The following ZNF577 variants were observed in gnomAD, a reference collection of about 807,000 sequenced individuals.
ZNF577 encodes zinc finger protein 577.
In ZNF577, 14 loss-of-function variants were observed where a neutral mutation model predicts 13.9. The observed-to-expected ratio is 1.00, with a 90% CI of 0.66 to 1.57. ZNF577 has a LOEUF of 1.57. Ranked by LOEUF, ZNF577 falls within the 40% of genes most tolerant of loss-of-function variation. The probability of loss-of-function intolerance (pLI) is 0.00; values close to 1 mark genes in which losing one functional copy is unlikely to be tolerated. For missense variants in ZNF577, 555 were observed against 579.2 expected (o/e 0.96, Z 0.43); for synonymous variants, 203 against 202.9 (o/e 1.00, Z 0.00).
rs1425777433 is a variant in ZNF577 at position 51,887,231 on chromosome 19, A to G, written c.-629T>C. On this transcript the variant is annotated 5_prime_UTR_variant, in exon 1 of 6. Transcript: ENST00000638348. ...AAGTGTTGTATCTAGATCTACATCA[A>G]TTCTACCCAAATTAAAGCAACCACT... 6.6e-6 allele frequency: 1 copy of G among 152,234 alleles called. No individual in the cohort carries two copies. The highest frequency in any genetic ancestry group is 1.5e-5 in the Non-Finnish European group (1 of 68,042). 9.4% of individuals were successfully genotyped at this position (152,234 alleles called of 1,614,324 possible). A position where few individuals can be genotyped will look rare whatever the true frequency, so the allele number is the denominator to read the frequency against.
Position 51,887,133 on chromosome 19 carries a change from G to A in ZNF577, c.-531C>T, listed in dbSNP as rs1185163368. The A allele has an allele frequency of 6.6e-6, 1 of 152,096 alleles. No homozygotes were observed. The highest frequency in any genetic ancestry group is 2.4e-5 in the African/African-American group (1 of 41,410). The allele number at this position is 152,096 out of a possible 1,614,324, so 9.4% of individuals were successfully genotyped here. Reference sequence around the variant, plus strand: ...GCATAACCAGAAATGTCCAAGATACGTATGGAAAAACACTACAGATAGTCA... The same window carrying A: ...GCATAACCAGAAATGTCCAAGATACATATGGAAAAACACTACAGATAGTCA... On this transcript the variant is annotated 5_prime_UTR_variant, in exon 1 of 6. In the 5' UTR this introduces an upstream ATG that the reference lacks. Transcript: ENST00000638348.
chr19:51,820,385 A>T (rs1052314311), intron 9 of ZNF577, among the ~76,000 whole-genome samples: 7 of 152,232 alleles, frequency 4.6e-5, no homozygotes, highest in Admixed American at 3.9e-4. Flanking sequence ...AGGATGTTGT[A>T]ATTAGAAATA....
chr19:51,879,365 C>T (rs1178535935), intron 3 of ZNF577, among the ~76,000 whole-genome samples: 9 of 151,780 alleles, frequency 5.9e-5, no homozygotes, highest in East Asian at 1.9e-4. Context: ...GTCAGGAGTT[C>T]GAGACCAGCC....
intron 5 of ZNF577, among the ~76,000 whole-genome samples, chr19:51,847,019 A>G (rs2084356403): frequency 6.6e-6 from 1 of 152,150 alleles, no homozygotes; most frequent in South Asian, 2.1e-4. Flanking sequence ...AATTTGTCAT[A>G]ATGGAAAAAC....
chr19:51,855,421 T>A (rs1219639113), intron 5 of ZNF577, among the ~76,000 whole-genome samples: 7 of 146,260 alleles, frequency 4.8e-5, no homozygotes, highest in African/African-American at 1.8e-4. Flanking sequence ...ACTTCAATGC[T>A]CAAGCAGTTT....
At chr19:51,841,730 C>A (rs1363680104) in intron 8 of ZNF577, among the ~76,000 whole-genome samples, 1 of 152,100 alleles carries the variant, frequency 6.6e-6, no homozygotes, top group Admixed American at 6.5e-5. Flanking sequence ...GCCAGGCTGG[C>A]CAACATGGTG....
chr19:51,861,211 T>TAG lies in ZNF577; in HGVS notation c.283+16069_283+16070dup. The TAG allele has an allele frequency of 1.9e-5, 5 of 269,816 alleles. 1 individual carries two copies. Among genetic ancestry groups the TAG allele is most frequent in the South Asian group, 1.7e-4 (5 of 29,810 alleles). The allele number at this position is 269,816 out of a possible 1,614,324, so 16.7% of individuals were successfully genotyped here. A position where few individuals can be genotyped will look rare whatever the true frequency, so the allele number is the denominator to read the frequency against. ...TCGGCTTACTGCAACCTCCACCTCC[T>TAG]AGGTTCAAGAGATTCTCCTGCCTCA... is the stretch of plus-strand genomic sequence containing the variant. On this transcript the variant is annotated intron_variant and NMD_transcript_variant, in intron 5 of 10. Transcript: ENST00000638827.
intron 10 of ZNF577, among the ~76,000 whole-genome samples, chr19:51,806,662 A>G (rs1199075326): frequency 2.0e-5 from 3 of 152,252 alleles, no homozygotes; most frequent in Admixed American, 6.5e-5. Context: ...TTTGAAAAGC[A>G]TGACTAGTAT....
At position 51,872,754 on chromosome 19, in the gene ZNF577, T is replaced by A; in HGVS notation, c.1236A>T (p.Thr412=). Residue 412 remains threonine, a synonymous_variant, in exon 6 of 6, where the codon ACA becomes ACT. Coordinates refer to ENST00000638348, the MANE Select transcript of ZNF577 (RefSeq NM_001370449.1). ...CTGAGGAAGGCATTTCTATAGGTAC[T>A]GTGTTCACAGTCTTTTGCTCTTGTA... The part of the protein sequence containing the change: ...ELIQEQKTVN[T]VPIEMPSSGT... The A allele has an allele frequency of 3.1e-6, 5 of 1,614,232 alleles. No individual in the cohort carries two copies. Among genetic ancestry groups the A allele is most frequent in the South Asian group, 1.1e-5 (1 of 91,082 alleles).
Position 51,887,404 on chromosome 19 carries a change from G to A in ZNF577, c.-802C>T, listed in dbSNP as rs2084965051. 6.6e-6 allele frequency: 1 copy of A among 152,116 alleles called. No homozygotes were observed. Among genetic ancestry groups the A allele is most frequent in the African/African-American group, 2.4e-5 (1 of 41,400 alleles). The allele number at this position is 152,116 out of a possible 1,614,324, so 9.4% of individuals were successfully genotyped here. A position where few individuals can be genotyped will look rare whatever the true frequency, so the allele number is the denominator to read the frequency against. Reference sequence around the variant, plus strand: ...TAAACATGAAATACACTAAACCAGAGTTATTTTCTGGAGGAGTATTTAAAA... The same window carrying A: ...TAAACATGAAATACACTAAACCAGAATTATTTTCTGGAGGAGTATTTAAAA... On this transcript the variant is annotated 5_prime_UTR_variant, in exon 1 of 6. Transcript: ENST00000638348.
At chr19:51,847,707 C>G (rs1301355358) in intron 5 of ZNF577, among the ~76,000 whole-genome samples, 1 of 152,140 alleles carries the variant, frequency 6.6e-6, no homozygotes, top group Non-Finnish European at 1.5e-5. Context: ...AAACGGCAAC[C>G]CCAGATGGTA....
intron 5 of ZNF577, among the ~76,000 whole-genome samples, chr19:51,851,978 C>T (rs1043978441): frequency 3.9e-5 from 6 of 152,200 alleles, no homozygotes; most frequent in African/African-American, 1.2e-4. Context: ...CCTACAGTGG[C>T]GCATTCCAGC....
intron 6 of ZNF577, chr19:51,844,655 A>G (rs1396843850): frequency 6.6e-6 from 1 of 152,188 alleles, no homozygotes; most frequent in African/African-American, 2.4e-5. Context: ...TAGTCTAACC[A>G]CATCCCTGCC....
At chr19:51,805,289 T>C (rs1042275572) in intron 10 of ZNF577, 21 of 152,186 alleles carry the variant, frequency 1.4e-4, no homozygotes, top group African/African-American at 5.1e-4. Flanking sequence ...ACAACATTAC[T>C]CCAAGAACTA....
intron 5 of ZNF577, among the ~76,000 whole-genome samples, chr19:51,847,527 G>A (rs559355698): frequency 3.0e-4 from 45 of 152,096 alleles, no homozygotes; most frequent in African/African-American, 1.1e-3. Context: ...ACATCCTGAC[G>A]GCCCCCTCCA....
rs75574457 is a variant in ZNF577 at position 51,873,751 on chromosome 19, T to C, written c.284-45A>G. ...TTTACAATGCGAGCCAAACTTATTGTGTCTTTACATTAAAGGAACAATGCT... is the reference window on the plus strand; with the variant it reads ...TTTACAATGCGAGCCAAACTTATTGCGTCTTTACATTAAAGGAACAATGCT... On this transcript the variant is annotated intron_variant, in intron 5 of 5. Coordinates refer to ENST00000638348, the MANE Select transcript of ZNF577 (RefSeq NM_001370449.1). 2,155 of 1,407,174 alleles carry C rather than the reference T, an allele frequency of 1.5e-3. 49 individuals carry two copies. In the East Asian group the frequency reaches 0.046, roughly 30 times the overall value. The allele number at this position is 1,407,174 out of a possible 1,614,324, so 87.2% of individuals were successfully genotyped here.
intron 5 of ZNF577, among the ~76,000 whole-genome samples, chr19:51,857,963 G>A (rs935045783): frequency 6.6e-6 from 1 of 152,018 alleles, no homozygotes; most frequent in African/African-American, 2.4e-5. Flanking sequence ...TTACAGGTGC[G>A]GGCCATTGTG....
chr19:51,855,331 TTC>T (rs2084406575), intron 5 of ZNF577, among the ~76,000 whole-genome samples: 1 of 129,292 alleles, frequency 7.7e-6, no homozygotes, highest in Non-Finnish European at 1.6e-5. Context: ...TTTCCTTCAT[TTC>T]TCTGAGCAAG....
chr19:51,824,856 G>A lies in ZNF577; in HGVS notation c.*600-13182C>T. 1 of 1,450,244 alleles carries A rather than the reference G, an allele frequency of 6.9e-7. No homozygotes were observed. The highest frequency in any genetic ancestry group is 1.3e-5 in the South Asian group (1 of 75,234). The allele number at this position is 1,450,244 out of a possible 1,614,324, so 89.8% of individuals were successfully genotyped here. ...TCTGTCTCTTTCTACCCTGCGTTAA[G>A]CGGAAAAAAAAAATTCTGACAGTGT... On this transcript the variant is annotated intron_variant and NMD_transcript_variant, in intron 9 of 10. Transcript: ENST00000638827. The surrounding 1 kb of genome is among the most constrained non-coding windows in gnomAD (Gnocchi z 4.7).
Sources: allele counts gnomAD v4.1 joint callset (sites outside exome capture counted in the v4.1 genomes callset), GRCh38; gene constraint gnomAD v4.1.1; non-coding constraint Gnocchi (gnomAD v3.1); transcripts MANE v1.5; gene names NCBI Gene and HGNC (gene_info 2026-07-23, HGNC 2026-07-21).